RGL1: variants seen among roughly 807,000 people sequenced by gnomAD.
RGL1 encodes ral guanine nucleotide dissociation stimulator like 1.
Under a neutral mutation model 95.2 loss-of-function variants are expected in RGL1, and 24 were observed. The ratio of observed to expected loss-of-function variants is 0.25; its 90% confidence interval spans 0.18 to 0.35. The LOEUF (loss-of-function observed/expected upper bound fraction) is 0.35, where lower values mean the gene tolerates loss of function less well. RGL1 is among the 10% of genes least tolerant of loss of function. The pLI is 1.00. For missense variants in RGL1, 715 were observed against 936.3 expected, an observed-to-expected ratio of 0.76 and a Z score of 3.08; for synonymous variants, 329 against 344.9, an observed-to-expected ratio of 0.95 and a Z score of 0.51.
chr1:183,911,338 CCTAT>C (rs879392090), intron 14 of RGL1, among the ~76,000 whole-genome samples: 8 of 152,198 alleles, frequency 5.3e-5, no homozygotes, highest in Non-Finnish European at 7.3e-5. Context: ...ATTTTTCTGG[CCTAT>C]CTTTTTAGTA....
intron 3 of RGL1, among the ~76,000 whole-genome samples, chr1:183,854,293 T>C (rs1665003139): frequency 6.6e-6 from 1 of 152,190 alleles, no homozygotes; most frequent in South Asian, 2.1e-4. Flanking sequence ...TTGGAGTGTT[T>C]CTGTGTACTG....
intron 2 of RGL1, among the ~76,000 whole-genome samples, chr1:183,797,945 G>T (rs1389887603): frequency 6.6e-6 from 1 of 152,172 alleles, no homozygotes; most frequent in East Asian, 1.9e-4. Flanking sequence ...AGATTTATTT[G>T]CTTATGTCCT....
intron 2 of RGL1, among the ~76,000 whole-genome samples, chr1:183,771,559 G>T (rs1659273145): frequency 6.6e-6 from 1 of 152,154 alleles, no homozygotes. Flanking sequence ...GAACTTAAAC[G>T]CTGAAATGTT....
At chr1:183,890,795 C>T (rs529641297) in intron 8 of RGL1, among the ~76,000 whole-genome samples, 30 of 152,102 alleles carry the variant, frequency 2.0e-4, no homozygotes, top group Admixed American at 1.4e-3. Flanking sequence ...CAGTGGTTAC[C>T]TAGGGCTGGG....
At chr1:183,682,352 G>T (rs367907838) in intron 1 of RGL1, among the ~76,000 whole-genome samples, 1 of 152,180 alleles carries the variant, frequency 6.6e-6, no homozygotes, top group African/African-American at 2.4e-5. Flanking sequence ...GTGTCCCAGA[G>T]ATTCTGGTAC....
At chr1:183,688,139 T>C (rs1472429250) in intron 1 of RGL1, among the ~76,000 whole-genome samples, 1 of 152,178 alleles carries the variant, frequency 6.6e-6, no homozygotes, top group Non-Finnish European at 1.5e-5. Flanking sequence ...AATACAAGTG[T>C]AATATATTAT....
chr1:183,832,100 G>C (rs150629965), intron 2 of RGL1, among the ~76,000 whole-genome samples: 1 of 152,164 alleles, frequency 6.6e-6, no homozygotes, highest in African/African-American at 2.4e-5. Flanking sequence ...GATAAGACTA[G>C]AGGCAAGTGA....
chr1:183,818,240 T>A (rs1662217772), intron 2 of RGL1, among the ~76,000 whole-genome samples: 1 of 152,178 alleles, frequency 6.6e-6, no homozygotes, highest in South Asian at 2.1e-4. Context: ...TTAAAAGGTT[T>A]CCTTCCATCT....
At chr1:183,721,279 C>T (rs1199296526) in intron 1 of RGL1, among the ~76,000 whole-genome samples, 1 of 152,224 alleles carries the variant, frequency 6.6e-6, no homozygotes, top group Non-Finnish European at 1.5e-5. Context: ...TCTGTCTCTA[C>T]CTGACCTGCA....
chr1:183,650,648 A>G (rs1357535533), intron 1 of RGL1, among the ~76,000 whole-genome samples: 1 of 151,820 alleles, frequency 6.6e-6, no homozygotes, highest in Non-Finnish European at 1.5e-5. Flanking sequence ...ACTTTGATAA[A>G]TATTTCTGTG....
chr1:183,872,315 C>T (rs986231846), intron 4 of RGL1, among the ~76,000 whole-genome samples: 3 of 152,180 alleles, frequency 2.0e-5, no homozygotes, highest in African/African-American at 7.2e-5. Flanking sequence ...CCATATCTCC[C>T]TCTCTCTATA....
intron 12 of RGL1, among the ~76,000 whole-genome samples, chr1:183,903,100 G>GAA (rs1423863304): frequency 6.6e-6 from 1 of 152,074 alleles, no homozygotes; most frequent in Non-Finnish European, 1.5e-5. Context: ...ACATGTTTCA[G>GAA]AACATCATGT....
At chr1:183,789,641 T>C (rs900317598) in intron 2 of RGL1, among the ~76,000 whole-genome samples, 1 of 152,100 alleles carries the variant, frequency 6.6e-6, no homozygotes, top group African/African-American at 2.4e-5. Flanking sequence ...AGCAAGGCTT[T>C]GGCTAAATGG....
chr1:183,823,241 C>T (rs1662618714), intron 2 of RGL1, among the ~76,000 whole-genome samples: 1 of 151,938 alleles, frequency 6.6e-6, no homozygotes, highest in African/African-American at 2.4e-5. Context: ...AATATATTGC[C>T]CCCAAGACTT....
intron 7 of RGL1, among the ~76,000 whole-genome samples, chr1:183,888,134 T>C (rs1349957216): frequency 6.6e-6 from 1 of 152,218 alleles, no homozygotes; most frequent in Non-Finnish European, 1.5e-5. Context: ...AGGACATCTG[T>C]GTGCTTTCAG....
intron 2 of RGL1, among the ~76,000 whole-genome samples, chr1:183,809,487 A>C (rs61349224): frequency 0.25 from 37,359 of 152,132 alleles, 5,514 homozygotes; most frequent in Middle Eastern, 0.35. Context: ...GTGAGATTAT[A>C]TTGGCAACTT....
chr1:183,806,603 GA>G, intron 2 of RGL1, 118 bp downstream of exon 2: 1 of 685,500 alleles, frequency 1.5e-6, no homozygotes. Context: ...CTTTAAAAAG[GA>G]AAATGCTAAT....
chr1:183,896,867 G>C (rs550388601), intron 9 of RGL1, among the ~76,000 whole-genome samples: 6 of 152,206 alleles, frequency 3.9e-5, no homozygotes, highest in African/African-American at 1.4e-4. Flanking sequence ...GGATTGATTT[G>C]TAAGAGTTCC....
At chr1:183,875,871 C>CAAAAA (rs375478958) in intron 4 of RGL1, among the ~76,000 whole-genome samples, 2 of 99,414 alleles carry the variant, frequency 2.0e-5, no homozygotes, top group African/African-American at 7.8e-5. Context: ...AGCTCTGTCT[C>CAAAAA]AAAAAAAAAA....
Sources: allele counts gnomAD v4.1 joint callset (sites outside exome capture counted in the v4.1 genomes callset), GRCh38; gene constraint gnomAD v4.1.1; transcripts MANE v1.5; gene names NCBI Gene and HGNC (gene_info 2026-07-23, HGNC 2026-07-21).